PPFIA4: variants seen among roughly 807,000 people sequenced by gnomAD.
PPFIA4 encodes liprin-alpha-4.
A neutral mutation model predicts 145.7 loss-of-function variants in PPFIA4; 98 were observed. That is an observed-to-expected ratio of 0.67 (90% confidence interval 0.57 to 0.80). PPFIA4 has a LOEUF of 0.80. Among genes scored for constraint, PPFIA4 ranks in the 30% least tolerant of loss-of-function variants. The probability of loss-of-function intolerance (pLI) is 0.00; values close to 1 mark genes in which losing one functional copy is unlikely to be tolerated. For missense variants in PPFIA4, 1,457 were observed against 1,632.7 expected (o/e 0.89, Z 1.85); for synonymous variants, 628 against 649.6 (o/e 0.97, Z 0.51).
chr1:203,071,069 A>G (rs1037974308), intron 27 of PPFIA4, among the ~76,000 whole-genome samples: 1 of 151,790 alleles, frequency 6.6e-6, no homozygotes, highest in African/African-American at 2.4e-5. Context: ...CTCCTGCCCA[A>G]CTAACTGGTA....
intron 23 of PPFIA4, chr1:203,061,251 G>T (rs2102673915): frequency 1.7e-6 from 1 of 590,890 alleles, no homozygotes; most frequent in Non-Finnish European, 3.0e-6. Context: ...TTCCCAGGAG[G>T]TCACAAGCTT....
intron 2 of PPFIA4, among the ~76,000 whole-genome samples, chr1:203,042,087 G>T (rs1370524916): frequency 6.6e-6 from 1 of 152,182 alleles, no homozygotes; most frequent in African/African-American, 2.4e-5. Context: ...TCTTCCTTTG[G>T]TCATGAATCC....
In PPFIA4 at chr1:203,045,844, C is replaced by G. The variant is rs779345447; in HGVS notation, c.862C>G (p.Leu288Val). ...TTCTTGTCCCCTCTTCTCCCAGGCT[C>G]TGGCCCAGAAGGAGGACATGGAAGA... ...SKHQRDLREA[L>V]AQKEDMEERI... Residue 288 changes from leucine to valine, a missense_variant, in exon 8 of 30, where the codon CTG becomes GTG. Physicochemically the swap from Leu to Val is conservative, Grantham distance 32 (BLOSUM62 1). Coordinates refer to ENST00000295706, the MANE Select transcript of PPFIA4 (RefSeq NM_001304331.2). 1.9e-5 allele frequency: 30 copies of G among 1,612,892 alleles called. No individual in the cohort carries two copies. Among genetic ancestry groups the G allele is most frequent in the Non-Finnish European group, 2.1e-5 (25 of 1,179,880 alleles).
chr1:203,039,542 C>T (rs952564479), intron 2 of PPFIA4, among the ~76,000 whole-genome samples: 4 of 152,176 alleles, frequency 2.6e-5, no homozygotes, highest in African/African-American at 9.7e-5. Flanking sequence ...CTCCTCCCTG[C>T]GTACTCCTCT....
chr1:203,075,578 G>A lies in PPFIA4; in HGVS notation c.3395G>A (p.Gly1132Glu). The A allele has an allele frequency of 6.9e-7, 1 of 1,457,084 alleles. No individual in the cohort carries two copies. The highest frequency in any genetic ancestry group is 1.4e-5 in the South Asian group (1 of 70,018). The allele number at this position is 1,457,084 out of a possible 1,614,324, so 90.3% of individuals were successfully genotyped here. ...CCTCTGGTGTCCCCCATGGTGCAGGGGGATGACAAGGTGTTTCGCCGCGCG... is the reference window on the plus strand; with the variant it reads ...CCTCTGGTGTCCCCCATGGTGCAGGAGGATGACAAGGTGTTTCGCCGCGCG... ...ALGTDRKLDD[G>E]DDKVFRRAPS... The change falls in exon 29 of 30, where the codon GGG (glycine) becomes GAG (glutamate). Residue 1132 changes from glycine to glutamate, a missense_variant and splice_region_variant. Physicochemically the swap from Gly to Glu is moderately conservative, Grantham distance 98. Coordinates refer to ENST00000295706, the MANE Select transcript of PPFIA4 (RefSeq NM_001304331.2). The surrounding 1 kb of genome is among the most constrained non-coding windows in gnomAD (Gnocchi z 4.1).
intron 4 of PPFIA4, 74 bp from the exon 5 acceptor site, chr1:203,044,305 C>T (rs1405980897): frequency 7.0e-7 from 1 of 1,418,620 alleles, no homozygotes; most frequent in Non-Finnish European, 9.7e-7. Context: ...TGGTGGTAGA[C>T]CAAGCCCAGT....
intron 13 of PPFIA4, among the ~76,000 whole-genome samples, chr1:203,050,256 T>C (rs971169859): frequency 6.6e-6 from 1 of 152,252 alleles, no homozygotes; most frequent in African/African-American, 2.4e-5. Context: ...GGCAATCCTA[T>C]GGACTTGGCA....
rs376271475 is a variant in PPFIA4 at position 203,029,156 on chromosome 1, T to G, written c.-400+2527T>G. Among the ~76,000 whole-genome samples the G allele has an allele frequency of 1.4e-4, 22 of 152,290 alleles. No individual in the cohort carries two copies. In the East Asian group the frequency reaches 3.9e-3, roughly 27 times the overall value. On this transcript the variant is annotated intron_variant, in intron 1 of 29. Coordinates refer to ENST00000295706, the MANE Select transcript of PPFIA4 (RefSeq NM_001304331.2). The stretch of plus-strand genomic sequence containing the variant: ...GGTCTGAGCCTGAGACCTCCCCGTT[T>G]GTTGCCTGGCTGCTGGCCCACTGCA...
At chr1:203,046,669 T>TC (rs1660109804) in intron 9 of PPFIA4, among the ~76,000 whole-genome samples, 1 of 151,578 alleles carries the variant, frequency 6.6e-6, no homozygotes, top group South Asian at 2.1e-4. Flanking sequence ...TTCTTTTTTT[T>TC]TTTTTTTAAT....
chr1:203,043,839 T>C lies in PPFIA4; in HGVS notation c.337-92T>C. ...TTCACAGTGGGGTGGCTGTAACTCA[T>C]GTCTGCTCGGGGATCACATGGACCC... On this transcript the variant is annotated intron_variant, in intron 3 of 29. Transcript: ENST00000295706. This position sits in a 1 kb window ranked among gnomAD's most constrained non-coding sequence, Gnocchi z 4.4. 4.6e-6 allele frequency: 6 copies of C among 1,311,838 alleles called. No individual in the cohort carries two copies. The South Asian group carries it at 7.3e-5, about 16-fold the overall frequency. The allele number at this position is 1,311,838 out of a possible 1,614,324, so 81.3% of individuals were successfully genotyped here.
chr1:203,044,499 G>A lies in PPFIA4; in HGVS notation c.576+46G>A, dbSNP rs558577114. ...CAGTCTGCAGCTCCTGGAAGTCCAG[G>A]CTGGTTCACCCCTGTGCCCTACTCT... On this transcript the variant is annotated intron_variant, in intron 5 of 29. Transcript: ENST00000295706. 5 of 1,530,066 alleles carry A rather than the reference G, an allele frequency of 3.3e-6. No individual in the cohort carries two copies. The East Asian group carries it at 1.2e-4, about 37-fold the overall frequency. The allele number at this position is 1,530,066 out of a possible 1,614,324, so 94.8% of individuals were successfully genotyped here. A position where few individuals can be genotyped will look rare whatever the true frequency, so the allele number is the denominator to read the frequency against.
intron 19 of PPFIA4, among the ~76,000 whole-genome samples, chr1:203,057,696 A>T (rs10920554): frequency 0.34 from 51,824 of 152,148 alleles, 9,120 homozygotes; most frequent in Middle Eastern, 0.43. Flanking sequence ...TCAGTGTCTA[A>T]TGAAAAGGAA....
chr1:203,040,712 T>TA (rs1302252837), intron 2 of PPFIA4, among the ~76,000 whole-genome samples: 1 of 152,228 alleles, frequency 6.6e-6, no homozygotes, highest in African/African-American at 2.4e-5. Context: ...GGCTAAGTGC[T>TA]TTCTATACAT....
At chr1:203,033,324 G>A (rs375830754) in intron 1 of PPFIA4, among the ~76,000 whole-genome samples, 27 of 152,224 alleles carry the variant, frequency 1.8e-4, no homozygotes, top group African/African-American at 6.0e-4. Flanking sequence ...AAACTCTTAA[G>A]TGGGGCTTTT....
rs1199123365 is a variant in PPFIA4 at position 203,068,542 on chromosome 1, G to A, written c.3238G>A (p.Val1080Met). 1 of 1,607,508 alleles carries A rather than the reference G, an allele frequency of 6.2e-7. No homozygotes were observed. Among genetic ancestry groups the A allele is most frequent in the African/African-American group, 1.3e-5 (1 of 74,544 alleles). ...DYAGNLHESG[V>M]HGALLALDEN... ...CGCAGGAAACCTGCATGAGAGTGGT[G>A]TGCATGGAGCCTTGCTGGCCCTGGA... Residue 1080 changes from valine to methionine, a missense_variant, in exon 27 of 30, where the codon GTG becomes ATG. Around this residue, in one of 3 missense-constraint regions of PPFIA4, gnomAD observed 848 missense variants for 1,046.7 expected, o/e 0.81. Transcript: ENST00000295706. This position sits in a 1 kb window ranked among gnomAD's most constrained non-coding sequence, Gnocchi z 4.7.
chr1:203,040,372 G>A (rs1349658729), intron 2 of PPFIA4, among the ~76,000 whole-genome samples: 2 of 152,246 alleles, frequency 1.3e-5, no homozygotes, highest in East Asian at 3.8e-4. Context: ...AAGCCTCAGC[G>A]CCAGGCCCTT....
chr1:203,056,544 C>T lies in PPFIA4; in HGVS notation c.2240+36C>T, dbSNP rs779852891. ...CAGACCCCACCTCCAGTCTCTCCATCCACAGGGTCCTCTCCTCCCTTCCTC... is the reference window on the plus strand; with the variant it reads ...CAGACCCCACCTCCAGTCTCTCCATTCACAGGGTCCTCTCCTCCCTTCCTC... On this transcript the variant is annotated intron_variant, in intron 18 of 29. Coordinates refer to ENST00000295706, the MANE Select transcript of PPFIA4 (RefSeq NM_001304331.2). The T allele has an allele frequency of 5.0e-6, 8 of 1,603,478 alleles. No individual in the cohort carries two copies. In the African/African-American group the frequency reaches 8.0e-5, roughly 16 times the overall value.
At position 203,037,030 on chromosome 1, in the gene PPFIA4, C is replaced by T. The variant is rs1293440443; in HGVS notation, c.-399-1580C>T. ...TGGGGCATGTGTGTGTGCATGCCCA[C>T]GTGCCTGCTTGCACTACTGCGCCCC... On this transcript the variant is annotated intron_variant, in intron 1 of 29. Transcript: ENST00000295706. 1.5e-5 allele frequency: 3 copies of T among 200,610 alleles called. 1 individual carries two copies. The highest frequency in any genetic ancestry group is 3.3e-5 in the Non-Finnish European group (3 of 91,080). The allele number at this position is 200,610 out of a possible 1,614,324, so 12.4% of individuals were successfully genotyped here. A position where few individuals can be genotyped will look rare whatever the true frequency, so the allele number is the denominator to read the frequency against.
chr1:203,052,057 G>A (rs867428823), intron 14 of PPFIA4, among the ~76,000 whole-genome samples, 180 bp downstream of exon 14: 5 of 63,526 alleles, frequency 7.9e-5, no homozygotes, highest in East Asian at 5.7e-4. Context: ...CCCCCCCCCC[G>A]CTTGCCTTGG....
Sources: gnomAD v4.1 joint callset for allele counts (sites outside exome capture counted in the v4.1 genomes callset) on GRCh38, gnomAD v4.1.1 for gene constraint, gnomAD v4.1.1 regional missense constraint, Gnocchi (gnomAD v3.1) non-coding constraint, MANE v1.5 for transcripts, NCBI Gene and HGNC (gene_info 2026-07-23, HGNC 2026-07-21) for gene names.